Variants in CARD8 observed in about 807,000 individuals in gnomAD.
CARD8 encodes caspase recruitment domain family member 8, also known as caspase recruitment domain-containing protein 8.
A neutral mutation model predicts 53.2 loss-of-function variants in CARD8; 38 were observed. The ratio of observed to expected loss-of-function variants is 0.71; its 90% confidence interval spans 0.55 to 0.94. The LOEUF (loss-of-function observed/expected upper bound fraction) is 0.94. CARD8 is among the 40% of genes least tolerant of loss of function. The pLI is 0.00. For missense variants in CARD8, 561 were observed against 655.5 expected, an observed-to-expected ratio of 0.86 and a Z score of 1.57; for synonymous variants, 245 against 244.9, an observed-to-expected ratio of 1.00 and a Z score of 0.00.
rs976321470 is a variant in CARD8, at chr19:48,236,918, G to C, written c.209+1465C>G. On this transcript the variant is annotated intron_variant, in intron 5 of 13. Coordinates refer to ENST00000651546, the MANE Select transcript of CARD8 (RefSeq NM_001184900.3). ...AGCCTCCTGAGTAGCTGGGATTACA[G>C]GCATGCGCCACCAAGCCCGGCTAAT... Among the ~76,000 whole-genome samples, 61 of 152,142 alleles carry C rather than the reference G, an allele frequency of 4.0e-4. 1 individual carries two copies. Among genetic ancestry groups the C allele is most frequent in the Non-Finnish European group, 7.3e-5 (5 of 68,038 alleles).
chr19:48,239,585 C>T (rs548790646), intron 4 of CARD8, among the ~76,000 whole-genome samples: 31 of 151,338 alleles, frequency 2.0e-4, no homozygotes, highest in African/African-American at 7.5e-4. Context: ...AAGCGATTCT[C>T]GTGCCTCAGC....
intron 13 of CARD8, among the ~76,000 whole-genome samples, chr19:48,213,608 A>T (rs1207853634): frequency 6.6e-6 from 1 of 152,160 alleles, no homozygotes; most frequent in Non-Finnish European, 1.5e-5. Context: ...TCCTGACCTC[A>T]GGTGATCCAC....
At chr19:48,235,447 C>T (rs142028483) in intron 5 of CARD8, among the ~76,000 whole-genome samples, 139 of 152,270 alleles carry the variant, frequency 9.1e-4, no homozygotes, top group African/African-American at 3.2e-3. Flanking sequence ...CATGCCTTTG[C>T]TCCTCCTTTG....
chr19:48,234,774 CT>C (rs1234276072), intron 5 of CARD8, among the ~76,000 whole-genome samples: 20 of 152,310 alleles, frequency 1.3e-4, no homozygotes, highest in African/African-American at 4.8e-4. Context: ...ATATGCTGCT[CT>C]TTCCATCCTA....
intron 10 of CARD8, among the ~76,000 whole-genome samples, chr19:48,225,177 G>A (rs1199760392): frequency 6.6e-6 from 1 of 152,122 alleles, no homozygotes; most frequent in Non-Finnish European, 1.5e-5. Context: ...AGGGAAAGAA[G>A]AGGGTACAGT....
chr19:48,246,719 A>G (rs1368320654), intron 3 of CARD8, among the ~76,000 whole-genome samples: 1 of 152,208 alleles, frequency 6.6e-6, no homozygotes, highest in Non-Finnish European at 1.5e-5. Flanking sequence ...CTGAATGAAA[A>G]AACACCATGC....
At chr19:48,247,049 C>T (rs1223252662) in intron 3 of CARD8, among the ~76,000 whole-genome samples, 1 of 152,158 alleles carries the variant, frequency 6.6e-6, no homozygotes, top group Admixed American at 6.5e-5. Flanking sequence ...TGAGGCCAGG[C>T]GCTATGGCTC....
In CARD8 at chr19:48,241,035, A is replaced by T; in HGVS notation, c.-15T>A. 1 of 1,532,322 alleles carries T rather than the reference A, an allele frequency of 6.5e-7. No individual in the cohort carries two copies. Among genetic ancestry groups the T allele is most frequent in the South Asian group, 1.2e-5 (1 of 83,974 alleles). 94.9% of individuals were successfully genotyped at this position (1,532,322 alleles called of 1,614,324 possible). Reference sequence around the variant, plus strand: ...TTTTTTTCCATTTGTCAAATGTGGTATTTATGTCTTTACTGTATCTTTTTT... The same window carrying T: ...TTTTTTTCCATTTGTCAAATGTGGTTTTTATGTCTTTACTGTATCTTTTTT... On this transcript the variant is annotated 5_prime_UTR_variant, in exon 4 of 14. Transcript: ENST00000651546.
At chr19:48,231,845 G>T in intron 7 of CARD8, 35 bp from the exon 8 acceptor site, 1 of 1,608,766 alleles carries the variant, frequency 6.2e-7, no homozygotes, top group Non-Finnish European at 8.5e-7. Flanking sequence ...AAGAGGTAAA[G>T]GGTTGGAAGA....
chr19:48,226,089 C>T (rs1348112770), intron 10 of CARD8, among the ~76,000 whole-genome samples: 1 of 150,568 alleles, frequency 6.6e-6, no homozygotes, highest in Non-Finnish European at 1.5e-5. Context: ...GCCTCTAGGC[C>T]ATAGTAAATT....
intron 11 of CARD8, among the ~76,000 whole-genome samples, chr19:48,220,994 G>A (rs2040467413): frequency 1.0e-5 from 1 of 95,818 alleles, no homozygotes; most frequent in Non-Finnish European, 2.2e-5. Flanking sequence ...AGGAAGGAAG[G>A]AAAGAAAGAA....
At chr19:48,234,333 A>G (rs893033671) in intron 6 of CARD8, 70 bp downstream of exon 6, 40 of 1,471,348 alleles carry the variant, frequency 2.7e-5, no homozygotes, top group Non-Finnish European at 3.6e-5. Context: ...AAATTCCTCT[A>G]ATTCTCATGT....
Position 48,230,030 on chromosome 19 carries a change from T to C in CARD8, c.1035+408A>G, listed in dbSNP as rs189973434. ...CAAGAGGCTGAGGCAGGAGAATCGCTTGAACCCGAGAAGTGGATGTTGCAG... is the reference window on the plus strand; with the variant it reads ...CAAGAGGCTGAGGCAGGAGAATCGCCTGAACCCGAGAAGTGGATGTTGCAG... On this transcript the variant is annotated intron_variant, in intron 10 of 13. Transcript: ENST00000651546. 4.0e-3 allele frequency among the ~76,000 whole-genome samples: 607 copies of C among 152,194 alleles called. 3 individuals carry two copies. Among genetic ancestry groups the C allele is most frequent in the Non-Finnish European group, 6.9e-3 (472 of 68,002 alleles).
intron 4 of CARD8, among the ~76,000 whole-genome samples, chr19:48,239,913 A>G (rs556061493): frequency 6.6e-6 from 1 of 152,126 alleles, no homozygotes; most frequent in East Asian, 1.9e-4. Context: ...TAGAGGGCAG[A>G]CTTCTTGTTC....
chr19:48,248,925 C>T lies in CARD8; in HGVS notation c.-44+598G>A, dbSNP rs374556803. On this transcript the variant is annotated intron_variant, in intron 3 of 13. Transcript: ENST00000651546. Reference sequence around the variant, plus strand: ...TTAAAATGTACTATTGGGCCGGGCACGGTGGCTCACGCCTGTAATCCCAAC... The same window carrying T: ...TTAAAATGTACTATTGGGCCGGGCATGGTGGCTCACGCCTGTAATCCCAAC... Among the ~76,000 whole-genome samples, 10 of 152,288 alleles carry T rather than the reference C, an allele frequency of 6.6e-5. No homozygotes were observed. In the East Asian group the frequency reaches 9.6e-4, roughly 15 times the overall value.
At chr19:48,233,786 A>G (rs771736488) in intron 6 of CARD8, 4 of 172,898 alleles carry the variant, frequency 2.3e-5, no homozygotes, top group Non-Finnish European at 4.9e-5. Context: ...TAACATTTAA[A>G]TAAATCATAT....
chr19:48,249,844 G>A lies in CARD8; in HGVS notation c.-248C>T, dbSNP rs1290910725. ...GCTGCTCTGTGTTCTGTTCCTCTTG[G>A]TCACTTGAGAAGAAAGGGAGAAGTT... On this transcript the variant is annotated 5_prime_UTR_variant, in exon 2 of 14. Coordinates refer to ENST00000651546, the MANE Select transcript of CARD8 (RefSeq NM_001184900.3). The A allele has an allele frequency of 6.6e-6, 1 of 152,194 alleles. No homozygotes were observed. Among genetic ancestry groups the A allele is most frequent in the Non-Finnish European group, 1.5e-5 (1 of 68,054 alleles). The allele number at this position is 152,194 out of a possible 1,614,324, so 9.4% of individuals were successfully genotyped here. A position where few individuals can be genotyped will look rare whatever the true frequency, so the allele number is the denominator to read the frequency against.
chr19:48,213,823 T>C (rs2038580649), intron 13 of CARD8, among the ~76,000 whole-genome samples: 1 of 152,208 alleles, frequency 6.6e-6, no homozygotes. Context: ...CCACACTCAA[T>C]CATCCACGCT....
chr19:48,235,578 T>C (rs1487912934), intron 5 of CARD8, among the ~76,000 whole-genome samples: 1 of 152,098 alleles, frequency 6.6e-6, no homozygotes, highest in Non-Finnish European at 1.5e-5. Context: ...CTCCAGGGAA[T>C]AGAGATGAGG....
Sources: gnomAD v4.1 joint callset for allele counts (sites outside exome capture counted in the v4.1 genomes callset) on GRCh38, gnomAD v4.1.1 for gene constraint, MANE v1.5 for transcripts, NCBI Gene and HGNC (gene_info 2026-07-23, HGNC 2026-07-21) for gene names.